Variants in NUP62 observed in about 807,000 individuals in gnomAD.
The protein encoded by NUP62 is nucleoporin 62.
For missense variants in NUP62, 647 were observed against 689.4 expected, an observed-to-expected ratio of 0.94 and a Z score of 0.69; for synonymous variants, 305 against 303.4, an observed-to-expected ratio of 1.01 and a Z score of -0.05.
rs749148238 is a variant in NUP62 at position 49,909,264 on chromosome 19, G to A, written c.544C>T (p.Pro182Ser). The change falls in exon 3 of 3, where the codon CCC becomes TCC. Residue 182 changes from proline to serine, a missense_variant. By Grantham distance (74) the Pro-to-Ser change is moderately conservative (BLOSUM62 -1). Coordinates refer to ENST00000352066, the MANE Select transcript of NUP62 (RefSeq NM_016553.5). ...NIGSAGNSAQ[P>S]TAPATLPFTP... The stretch of plus-strand genomic sequence containing the variant: ...AAGGGCAACGTGGCAGGTGCCGTGG[G>A]CTGGGCTGAATTCCCTGCTGAGCCA... The A allele has an allele frequency of 1.2e-6, 2 of 1,614,114 alleles. No homozygotes were observed. The highest frequency in any genetic ancestry group is 2.2e-5 in the South Asian group (2 of 91,080).
In NUP62 at chr19:49,908,833, G is replaced by A. The variant is rs1190744786; in HGVS notation, c.975C>T (p.Ser325=). 4 of 1,612,682 alleles carry A rather than the reference G, an allele frequency of 2.5e-6. No individual in the cohort carries two copies. Among genetic ancestry groups the A allele is most frequent in the Non-Finnish European group, 2.5e-6 (3 of 1,179,966 alleles). Residue 325 remains serine (S), a synonymous_variant, in exon 3 of 3, where the codon AGC becomes AGT. Coordinates refer to ENST00000352066, the MANE Select transcript of NUP62 (RefSeq NM_016553.5). ...CCAGCTGCGCGTAGGTCATGGCGGA[G>A]CTGGCAGCCGCCCCTGCAGCTGCGC... ...GPGAAAGAAA[S]SAMTYAQLES... is the part of the protein sequence containing the mutation.
intron 2 of NUP62, chr19:49,917,693 C>T (rs1205471835): frequency 6.6e-6 from 1 of 152,268 alleles, no homozygotes; most frequent in Non-Finnish European, 1.5e-5. Context: ...GTCCTGCTCT[C>T]TTACATAACT....
At chr19:49,911,180 G>A (rs2075452739) in intron 2 of NUP62, 1 of 152,250 alleles carries the variant, frequency 6.6e-6, no homozygotes, top group African/African-American at 2.4e-5. Context: ...AGGACTACAG[G>A]CGTGAGCCCT....
chr19:49,915,560 A>G lies in NUP62; in HGVS notation c.-77-5676T>C, dbSNP rs73070007. Among the ~76,000 whole-genome samples, 712 of 152,348 alleles carry G rather than the reference A, an allele frequency of 4.7e-3. 8 individuals carry two copies. The highest frequency in any genetic ancestry group is 0.012 in the Admixed American group (180 of 15,298). On this transcript the variant is annotated intron_variant, in intron 2 of 2. Transcript: ENST00000352066. ...CATTCGTGTTGCTTTAAACCACTAC[A>G]TTTGTGATGACTTGTTACAGCAGCC...
chr19:49,910,614 G>T (rs3889700), intron 2 of NUP62, among the ~76,000 whole-genome samples: 1 of 151,928 alleles, frequency 6.6e-6, no homozygotes, highest in Non-Finnish European at 1.5e-5. Context: ...TCACCTGTAG[G>T]TGTGGTGTGG....
chr19:49,908,737 C>T lies in NUP62; in HGVS notation c.1071G>A (p.Gln357=), dbSNP rs1200075445. ...QERHFLQQAT[Q]VNAWDRTLIE... is the part of the protein sequence containing the mutation. ...TCAGCGTGCGGTCCCAGGCGTTGAC[C>T]TGGGTGGCCTGCTGGAGGAAGTGCC... The change falls in exon 3 of 3, where the codon CAG becomes CAA. Residue 357 remains glutamine, a synonymous_variant. Transcript: ENST00000352066. 6.2e-7 allele frequency: 1 copy of T among 1,613,490 alleles called. No individual in the cohort carries two copies. Among genetic ancestry groups the T allele is most frequent in the East Asian group, 2.2e-5 (1 of 44,886 alleles).
At chr19:49,923,075 C>T (rs1354167065) in intron 2 of NUP62, among the ~76,000 whole-genome samples, 5 of 151,216 alleles carry the variant, frequency 3.3e-5, no homozygotes, top group Non-Finnish European at 5.9e-5. Context: ...TGCTGTGTCC[C>T]TTTTTTTTTG....
intron 2 of NUP62, among the ~76,000 whole-genome samples, chr19:49,915,291 G>A (rs1421932623): frequency 1.3e-5 from 2 of 152,180 alleles, no homozygotes; most frequent in Non-Finnish European, 2.9e-5. Flanking sequence ...TTATCCACGT[G>A]AGCCCCAGGT....
In NUP62 at chr19:49,907,759, C is replaced by T. The variant is rs1003708886; in HGVS notation, c.*480G>A. 9.6e-5 allele frequency: 32 copies of T among 335,066 alleles called. No homozygotes were observed. Among genetic ancestry groups the T allele is most frequent in the Non-Finnish European group, 1.7e-4 (30 of 173,892 alleles). The allele number at this position is 335,066 out of a possible 1,614,324, so 20.8% of individuals were successfully genotyped here. A position where few individuals can be genotyped will look rare whatever the true frequency, so the allele number is the denominator to read the frequency against. ...CCATGTTGGCCAGGCTGGTCTCGAACTCCTGACCTCAAGTCATCTGCCCGC... is the reference window on the plus strand; with the variant it reads ...CCATGTTGGCCAGGCTGGTCTCGAATTCCTGACCTCAAGTCATCTGCCCGC... On this transcript the variant is annotated 3_prime_UTR_variant, in exon 3 of 3. Coordinates refer to ENST00000352066, the MANE Select transcript of NUP62 (RefSeq NM_016553.5).
chr19:49,908,960 C>CTGGTGG lies in NUP62; in HGVS notation c.842_847dup (p.Thr281_Thr282dup), dbSNP rs746663980. On this transcript the variant is annotated inframe_insertion, in exon 3 of 3. Coordinates refer to ENST00000352066, the MANE Select transcript of NUP62 (RefSeq NM_016553.5). ...GGCAAAGCCGGTGGTGCTGCTGCTGCTGGTGGTGGTGGCGGTGGCGGTGGC... is the reference window on the plus strand; with the variant it reads ...GGCAAAGCCGGTGGTGCTGCTGCTGCTGGTGGTGGTGGTGGTGGCGGTGGCGGTGGC... 3.1e-6 allele frequency: 5 copies of CTGGTGG among 1,605,828 alleles called. No homozygotes were observed. The highest frequency in any genetic ancestry group is 3.4e-5 in the Admixed American group (2 of 59,672).
chr19:49,919,616 G>A (rs1301471982), intron 2 of NUP62, among the ~76,000 whole-genome samples: 3 of 152,080 alleles, frequency 2.0e-5, no homozygotes, highest in Non-Finnish European at 2.9e-5. Flanking sequence ...GTCACCTGAC[G>A]GCTAATTAGC....
rs2075381119 is a variant in NUP62 at position 49,908,773 on chromosome 19, C to T, written c.1035G>A (p.Glu345=). Residue 345 remains glutamate, a synonymous_variant, in exon 3 of 3, where the codon GAG becomes GAA. Coordinates refer to ENST00000352066, the MANE Select transcript of NUP62 (RefSeq NM_016553.5). ...SLINKWSLEL[E]DQERHFLQQA... ...GCTGGAGGAAGTGCCGCTCCTGGTC[C>T]TCTAGCTCCAGGCTCCATTTGTTGA... 6.2e-7 allele frequency: 1 copy of T among 1,613,786 alleles called. No homozygotes were observed. The highest frequency in any genetic ancestry group is 8.5e-7 in the Non-Finnish European group (1 of 1,180,046).
intron 2 of NUP62, among the ~76,000 whole-genome samples, chr19:49,918,258 TCTCA>T (rs959279765): frequency 1.3e-5 from 2 of 152,074 alleles, no homozygotes; most frequent in African/African-American, 4.8e-5. Context: ...AGAGATGGGG[TCTCA>T]CTATGTTGCC....
At chr19:49,917,173 C>A (rs2075646770) in intron 2 of NUP62, among the ~76,000 whole-genome samples, 1 of 152,154 alleles carries the variant, frequency 6.6e-6, no homozygotes, top group South Asian at 2.1e-4. Flanking sequence ...AGGAGAGAAA[C>A]AAGGGGAGAT....
At chr19:49,922,232 T>C (rs1291136623) in intron 2 of NUP62, among the ~76,000 whole-genome samples, 7 of 152,140 alleles carry the variant, frequency 4.6e-5, no homozygotes, top group African/African-American at 1.7e-4. Flanking sequence ...CCCAAACGCC[T>C]CCTTATTGAG....
chr19:49,908,491 G>A lies in NUP62; in HGVS notation c.1317C>T (p.Asn439=), dbSNP rs2075373654. 2.5e-6 allele frequency: 4 copies of A among 1,614,044 alleles called. No individual in the cohort carries two copies. The highest frequency in any genetic ancestry group is 2.5e-6 in the Non-Finnish European group (3 of 1,180,054). Residue 439 remains asparagine (N), a synonymous_variant, in exon 3 of 3, where the codon AAC becomes AAT. Coordinates refer to ENST00000352066, the MANE Select transcript of NUP62 (RefSeq NM_016553.5). Reference sequence around the variant, plus strand: ...CCATGCGCTTGAGCTGTGCATCGATGTTCTCAGCCAGCTTGTAGGTTTTCT... The same window carrying A: ...CCATGCGCTTGAGCTGTGCATCGATATTCTCAGCCAGCTTGTAGGTTTTCT... The part of the protein sequence containing the change: ...EREKTYKLAE[N]IDAQLKRMAQ...
At chr19:49,916,205 G>A (rs1568712588) in intron 2 of NUP62, among the ~76,000 whole-genome samples, 1 of 152,168 alleles carries the variant, frequency 6.6e-6, no homozygotes, top group Admixed American at 6.5e-5. Context: ...GGACGGGAGA[G>A]TTTCATTGAG....
At chr19:49,920,718 G>A (rs1040431480) in intron 2 of NUP62, among the ~76,000 whole-genome samples, 1 of 152,220 alleles carries the variant, frequency 6.6e-6, no homozygotes, top group African/African-American at 2.4e-5. Context: ...ACAGGCTGGG[G>A]AAGAGCCTAG....
At chr19:49,925,429 C>A (rs943183725) in intron 2 of NUP62, among the ~76,000 whole-genome samples, 6 of 144,468 alleles carry the variant, frequency 4.2e-5, no homozygotes, top group Non-Finnish European at 3.0e-5. Context: ...ACCCTCCCCC[C>A]CATCTCTACT....
Sources: allele counts gnomAD v4.1 joint callset (sites outside exome capture counted in the v4.1 genomes callset), GRCh38; gene constraint gnomAD v4.1.1; transcripts MANE v1.5; gene names NCBI Gene and HGNC (gene_info 2026-07-23, HGNC 2026-07-21).